The following PCDHAC1 variants were observed in gnomAD, a reference collection of about 807,000 sequenced individuals.
PCDHAC1 encodes protocadherin alpha subfamily C, 1.
PCDHAC1 carries 42 observed loss-of-function variants against 60.0 expected under a neutral mutation model. The ratio of observed to expected loss-of-function variants is 0.70; its 90% CI spans 0.55 to 0.90. The LOEUF (loss-of-function observed/expected upper bound fraction) is 0.90. PCDHAC1 is among the 40% of genes least tolerant of loss of function. PCDHAC1 has a pLI of 0.00. For synonymous variants in PCDHAC1, 468 were observed against 499.3 expected, an observed-to-expected ratio of 0.94 and a Z score of 0.84; for missense variants, 1,160 against 1,222.3, an observed-to-expected ratio of 0.95 and a Z score of 0.76.
chr5:141,009,650 C>G lies in PCDHAC1; in HGVS notation c.2605C>G (p.Pro869Ala). Residue 869 changes from proline to alanine, a missense_variant, in exon 4 of 4, where the codon CCT becomes GCT. Transcript: ENST00000253807. The part of the protein sequence containing the change: ...TPEPEAGEVS[P>A]PVGAGVNSNS... ...AGAACCAGAGGCAGGAGAAGTGTCCCCTCCAGTCGGTGCGGGTGTCAACAG... is the reference window on the plus strand; with the variant it reads ...AGAACCAGAGGCAGGAGAAGTGTCCGCTCCAGTCGGTGCGGGTGTCAACAG... 1 of 1,613,886 alleles carries G rather than the reference C, an allele frequency of 6.2e-7. No individual in the cohort carries two copies. Among genetic ancestry groups the G allele is most frequent in the Non-Finnish European group, 8.5e-7 (1 of 1,179,918 alleles).
chr5:141,010,034 A>G lies in PCDHAC1; in HGVS notation c.*97A>G. On this transcript the variant is annotated 3_prime_UTR_variant, in exon 4 of 4. Transcript: ENST00000253807. Reference sequence around the variant, plus strand: ...CCTGCTCCTTTTTCCTATCTACATGAGCCCTCTTAGAGACCTCAGAAATCT... The same window carrying G: ...CCTGCTCCTTTTTCCTATCTACATGGGCCCTCTTAGAGACCTCAGAAATCT... 6.3e-7 allele frequency: 1 copy of G among 1,582,208 alleles called. No individual in the cohort carries two copies.
At chr5:140,934,636 G>A (rs782329021) in intron 1 of PCDHAC1, among the ~76,000 whole-genome samples, 17 of 151,974 alleles carry the variant, frequency 1.1e-4, no homozygotes, top group Non-Finnish European at 1.9e-4. Flanking sequence ...CACAGGAAAG[G>A]CAGGATAAAT....
At chr5:141,008,356 A>G (rs1440951671) in intron 3 of PCDHAC1, among the ~76,000 whole-genome samples, 1 of 152,204 alleles carries the variant, frequency 6.6e-6, no homozygotes, top group Non-Finnish European at 1.5e-5. Context: ...CGTGTCAACC[A>G]AAGGAGCAGT....
rs114294981 is a variant in PCDHAC1, at chr5:140,997,261, C to T, written c.2582-12366C>T. On this transcript the variant is annotated intron_variant, in intron 3 of 3. Transcript: ENST00000253807. ...CATGTTTACTTTAGGGTTCACTCTT[C>T]CAAATATTTCTTGCATCACTTAACA... Among the ~76,000 whole-genome samples, 265 of 152,266 alleles carry T rather than the reference C, an allele frequency of 1.7e-3. 1 individual carries two copies. The highest frequency in any genetic ancestry group is 6.2e-3 in the African/African-American group (257 of 41,540).
chr5:141,003,648 G>A lies in PCDHAC1; in HGVS notation c.2582-5979G>A, dbSNP rs1314983871. On this transcript the variant is annotated intron_variant, in intron 3 of 3. Transcript: ENST00000253807. ...GTTTTTAAAGTAGAAGTGAAGATCTGTATGCATTTATTAAAATATATGTTG... is the reference window on the plus strand; with the variant it reads ...GTTTTTAAAGTAGAAGTGAAGATCTATATGCATTTATTAAAATATATGTTG... Among the ~76,000 whole-genome samples the A allele has an allele frequency of 3.3e-5, 5 of 152,226 alleles. No individual in the cohort carries two copies. In the South Asian group the frequency reaches 6.2e-4, roughly 19 times the overall value.
rs782468229 is a variant in PCDHAC1, at chr5:140,927,159, C to G, written c.267C>G (p.Ala89=). The G allele has an allele frequency of 6.2e-7, 1 of 1,614,046 alleles. No individual in the cohort carries two copies. Among genetic ancestry groups the G allele is most frequent in the Non-Finnish European group, 8.5e-7 (1 of 1,180,046 alleles). ...CGGACCGCGAACAGCTGTGCAGGGC[C>G]AAAGCTGCCTGCGTCTTGACCTACG... The part of the protein sequence containing the change: ...EPADREQLCR[A]KAACVLTYDL... The change falls in exon 1 of 4, where the codon GCC becomes GCG. Residue 89 remains alanine, a synonymous_variant. Coordinates refer to ENST00000253807, the MANE Select transcript of PCDHAC1 (RefSeq NM_018898.5).
At chr5:140,983,457 G>A (rs1354592991) in intron 3 of PCDHAC1, among the ~76,000 whole-genome samples, 4 of 152,182 alleles carry the variant, frequency 2.6e-5, no homozygotes, top group Non-Finnish European at 4.4e-5. Flanking sequence ...TCTATTAATA[G>A]AACATCATGA....
intron 1 of PCDHAC1, among the ~76,000 whole-genome samples, chr5:140,940,389 AT>A (rs2092602183): frequency 1.3e-5 from 2 of 151,932 alleles, no homozygotes; most frequent in Admixed American, 6.6e-5. Flanking sequence ...AATTTTGGTT[AT>A]TGTGTTTTTC....
chr5:140,995,314 G>A (rs2097676013), intron 3 of PCDHAC1, among the ~76,000 whole-genome samples: 1 of 152,140 alleles, frequency 6.6e-6, no homozygotes, highest in Admixed American at 6.5e-5. Context: ...CTTTCTAAGT[G>A]AACTAACAGG....
intron 3 of PCDHAC1, among the ~76,000 whole-genome samples, chr5:140,990,233 G>A (rs782139012): frequency 5.3e-5 from 8 of 152,128 alleles, no homozygotes; most frequent in Non-Finnish European, 8.8e-5. Flanking sequence ...TGTAACTAGC[G>A]TTGTATTCCT....
At chr5:140,941,313 C>T (rs1585057947) in intron 1 of PCDHAC1, among the ~76,000 whole-genome samples, 2 of 104,888 alleles carry the variant, frequency 1.9e-5, no homozygotes, top group Non-Finnish European at 4.0e-5. Context: ...TCTTTTTCTT[C>T]TTTCTCTTTT....
At chr5:140,999,980 C>G (rs1386394350) in intron 3 of PCDHAC1, among the ~76,000 whole-genome samples, 1 of 152,076 alleles carries the variant, frequency 6.6e-6, no homozygotes, top group East Asian at 1.9e-4. Flanking sequence ...GCTCTAGCGG[C>G]CTCTGGGTAG....
At chr5:140,960,743 G>A (rs1328860955) in intron 1 of PCDHAC1, among the ~76,000 whole-genome samples, 3 of 151,482 alleles carry the variant, frequency 2.0e-5, no homozygotes, top group Non-Finnish European at 4.4e-5. Flanking sequence ...TTTAGTCCAT[G>A]GCTAAAATCC....
chr5:140,960,316 G>A (rs1360755627), intron 1 of PCDHAC1, among the ~76,000 whole-genome samples: 1 of 152,066 alleles, frequency 6.6e-6, no homozygotes, highest in African/African-American at 2.4e-5. Flanking sequence ...ACCTCATTAG[G>A]GTCCTGTGAG....
At chr5:140,950,429 T>G (rs1339598073) in intron 1 of PCDHAC1, among the ~76,000 whole-genome samples, 1 of 151,896 alleles carries the variant, frequency 6.6e-6, no homozygotes, top group Admixed American at 6.6e-5. Context: ...TTCTTCCACT[T>G]AAAAAAAATG....
At chr5:140,987,431 C>G (rs187493051) in intron 3 of PCDHAC1, among the ~76,000 whole-genome samples, 1 of 152,232 alleles carries the variant, frequency 6.6e-6, no homozygotes, top group East Asian at 1.9e-4. Context: ...AGCAGGGGGC[C>G]TTTCCCCATG....
chr5:140,960,553 C>T (rs2095555809), intron 1 of PCDHAC1, among the ~76,000 whole-genome samples: 1 of 152,078 alleles, frequency 6.6e-6, no homozygotes, highest in Non-Finnish European at 1.5e-5. Context: ...TTCATATAGA[C>T]TGAGCTTAGG....
In PCDHAC1 at chr5:140,981,687, ATCATTCATTCAT is replaced by A. The variant is rs200213847; in HGVS notation, c.2493-771_2493-760del. Among the ~76,000 whole-genome samples the A allele has an allele frequency of 3.0e-3, 453 of 152,088 alleles. 7 individuals are homozygous for A. In the East Asian group the frequency reaches 0.044, roughly 15 times the overall value. Reference sequence around the variant, plus strand: ...CTTCCTTTCTTCCTTCCTCCCTTCCATCATTCATTCATTCATTCATTCATTCATCCAACAAAT... The same window carrying A: ...CTTCCTTTCTTCCTTCCTCCCTTCCATCATTCATTCATTCATCCAACAAAT... On this transcript the variant is annotated intron_variant, in intron 2 of 3. Transcript: ENST00000253807.
intron 3 of PCDHAC1, among the ~76,000 whole-genome samples, chr5:140,985,909 T>C (rs1421545707): frequency 6.6e-6 from 1 of 151,912 alleles, no homozygotes; most frequent in Non-Finnish European, 1.5e-5. Flanking sequence ...CCGTCTAATT[T>C]TTTGTATTTT....
Sources: allele counts gnomAD v4.1 joint callset (sites outside exome capture counted in the v4.1 genomes callset), GRCh38; gene constraint gnomAD v4.1.1; transcripts MANE v1.5; gene names NCBI Gene and HGNC (gene_info 2026-07-23, HGNC 2026-07-21).